The following CD28 variants were observed in gnomAD, a reference collection of about 807,000 sequenced individuals.
CD28 encodes the protein T-cell-specific surface glycoprotein CD28.
Under a neutral mutation model 21.4 loss-of-function variants are expected in CD28, and 8 were observed. The ratio of observed to expected loss-of-function variants is 0.37; its 90% confidence interval spans 0.22 to 0.68. The LOEUF (loss-of-function observed/expected upper bound fraction) is 0.68, where lower values mean the gene tolerates loss of function less well. Ranked by LOEUF, CD28 falls within the 30% of genes least tolerant of loss-of-function variation. The pLI, the probability that CD28 is intolerant of heterozygous loss-of-function variation, is 0.55. For missense variants in CD28, 239 were observed against 272.2 expected (o/e 0.88, Z 0.86); for synonymous variants, 106 against 104.0 (o/e 1.02, Z -0.12).
chr2:203,725,803 T>A (rs1256598846), intron 1 of CD28, among the ~76,000 whole-genome samples: 1 of 152,206 alleles, frequency 6.6e-6, no homozygotes, highest in Admixed American at 6.5e-5. Flanking sequence ...ACTCTTGGGT[T>A]ATATTTTTTC....
rs201138857 is a variant in CD28, at chr2:203,706,655, G to A, written c.-42G>A. ...GTTCCCCTCACACTTCGGGTTCCTC[G>A]GGGAGGAGGGGCTGGAACCCTAGCC... On this transcript the variant is annotated 5_prime_UTR_variant, in exon 1 of 4. Transcript: ENST00000324106. The A allele has an allele frequency of 1.2e-4, 191 of 1,613,870 alleles. No homozygotes were observed. Among genetic ancestry groups the A allele is most frequent in the Non-Finnish European group, 6.0e-5 (71 of 1,179,966 alleles).
At chr2:203,717,428 G>T (rs1343728308) in intron 1 of CD28, among the ~76,000 whole-genome samples, 1 of 152,108 alleles carries the variant, frequency 6.6e-6, no homozygotes, top group Non-Finnish European at 1.5e-5. Flanking sequence ...GCTGTCCCCT[G>T]GTCTCTTTCG....
intron 1 of CD28, among the ~76,000 whole-genome samples, chr2:203,725,074 G>A (rs1693705042): frequency 6.6e-6 from 1 of 152,024 alleles, no homozygotes; most frequent in Admixed American, 6.6e-5. Flanking sequence ...TGGATCACCT[G>A]AGGTTGGGAG....
intron 1 of CD28, among the ~76,000 whole-genome samples, chr2:203,725,047 T>A (rs11677109): frequency 0.77 from 117,487 of 151,968 alleles, 45,584 homozygotes; most frequent in East Asian, 0.92. Context: ...TCCCAGCACT[T>A]TGGGAGGCCG....
intron 1 of CD28, among the ~76,000 whole-genome samples, chr2:203,715,374 G>A (rs1343967652): frequency 6.6e-6 from 1 of 152,128 alleles, no homozygotes; most frequent in Non-Finnish European, 1.5e-5. Context: ...CCACTTTCAT[G>A]TAAGTTAAGG....
At chr2:203,730,970 A>G (rs1693875247) in intron 3 of CD28, among the ~76,000 whole-genome samples, 3 of 151,816 alleles carry the variant, frequency 2.0e-5, no homozygotes, top group Non-Finnish European at 4.4e-5. Context: ...ATTCTTTTAG[A>G]CTCTTCTTGG....
rs55817478 is a variant in CD28 at position 203,736,008 on chromosome 2, A to AAAC, written c.*1126_*1128dup. The AAAC allele has an allele frequency of 0.02, 2,979 of 151,786 alleles. 50 individuals are homozygous for AAAC. Among genetic ancestry groups the AAAC allele is most frequent in the African/African-American group, 0.047 (1,930 of 41,258 alleles). The allele number at this position is 151,786 out of a possible 1,614,324, so 9.4% of individuals were successfully genotyped here. On this transcript the variant is annotated 3_prime_UTR_variant, in exon 4 of 4. Transcript: ENST00000324106. The stretch of plus-strand genomic sequence containing the variant: ...GGGCGACAGAGTGAGACTCCATCTC[A>AAAC]AACAACAACAACAACAACAACAACA...
At chr2:203,716,204 A>G (rs904183786) in intron 1 of CD28, among the ~76,000 whole-genome samples, 4 of 152,040 alleles carry the variant, frequency 2.6e-5, no homozygotes, top group African/African-American at 9.7e-5. Context: ...AAACTCTCAC[A>G]CTAAGGTCAT....
At position 203,735,512 on chromosome 2, in the gene CD28, A is replaced by C. The variant is rs929855421; in HGVS notation, c.*600A>C. Reference sequence around the variant, plus strand: ...TAGACATTGTCTTTTATGAATTCTGATCATATTTAGTCATTTTGACCAAAT... The same window carrying C: ...TAGACATTGTCTTTTATGAATTCTGCTCATATTTAGTCATTTTGACCAAAT... On this transcript the variant is annotated 3_prime_UTR_variant, in exon 4 of 4. Coordinates refer to ENST00000324106, the MANE Select transcript of CD28 (RefSeq NM_006139.4). 1.3e-5 allele frequency: 2 copies of C among 152,732 alleles called. No homozygotes were observed. The highest frequency in any genetic ancestry group is 4.8e-5 in the African/African-American group (2 of 41,400). 9.5% of individuals were successfully genotyped at this position (152,732 alleles called of 1,614,324 possible). A position where few individuals can be genotyped will look rare whatever the true frequency, so the allele number is the denominator to read the frequency against.
At chr2:203,707,184 T>C (rs1693180409) in intron 1 of CD28, among the ~76,000 whole-genome samples, 1 of 149,422 alleles carries the variant, frequency 6.7e-6, no homozygotes, top group South Asian at 2.1e-4. Context: ...CTTTCTTTCT[T>C]TTTTTTTTTA....
intron 1 of CD28, among the ~76,000 whole-genome samples, chr2:203,718,805 T>C (rs1166510368): frequency 2.0e-5 from 3 of 152,234 alleles, no homozygotes; most frequent in African/African-American, 4.8e-5. Flanking sequence ...TTAAGGATTT[T>C]CCTAGTGAAG....
intron 1 of CD28, among the ~76,000 whole-genome samples, chr2:203,717,009 G>A (rs1693478107): frequency 6.6e-6 from 1 of 151,902 alleles, no homozygotes; most frequent in Admixed American, 6.6e-5. Context: ...CCCACACCCA[G>A]CTAATTTTTG....
At chr2:203,728,784 A>G (rs547686923) in intron 2 of CD28, among the ~76,000 whole-genome samples, 309 of 152,320 alleles carry the variant, frequency 2.0e-3, no homozygotes, top group African/African-American at 7.1e-3. Context: ...ATAGTATTTT[A>G]TATATATGTA....
intron 1 of CD28, 107 bp from the exon 2 acceptor site, chr2:203,726,526 A>G: frequency 1.3e-6 from 1 of 764,592 alleles, no homozygotes; most frequent in Non-Finnish European, 2.2e-6. Context: ...CCAAGAGAAA[A>G]CCTTTGCTGG....
At chr2:203,724,608 T>C (rs1236562959) in intron 1 of CD28, among the ~76,000 whole-genome samples, 1 of 152,156 alleles carries the variant, frequency 6.6e-6, no homozygotes, top group Non-Finnish European at 1.5e-5. Flanking sequence ...GGTCTTGAAC[T>C]CCTGGGCTCA....
rs1321410973 is a variant in CD28, at chr2:203,737,721, C to T, written c.*2809C>T. On this transcript the variant is annotated 3_prime_UTR_variant, in exon 4 of 4. Coordinates refer to ENST00000324106, the MANE Select transcript of CD28 (RefSeq NM_006139.4). ...TAAGAGTCTTATAATTAATGGTACT[C>T]CTATAATTTTTGATTGTGAGCTCAC... 8.5e-5 allele frequency: 13 copies of T among 152,582 alleles called. No homozygotes were observed. In the East Asian group the frequency reaches 2.5e-3, roughly 29 times the overall value. The allele number at this position is 152,582 out of a possible 1,614,324, so 9.5% of individuals were successfully genotyped here.
At chr2:203,730,577 T>C (rs1047860219) in intron 3 of CD28, among the ~76,000 whole-genome samples, 1 of 152,212 alleles carries the variant, frequency 6.6e-6, no homozygotes, top group African/African-American at 2.4e-5. Flanking sequence ...TGAATTTTTT[T>C]CTAGAAGTTA....
intron 3 of CD28, 23 bp downstream of exon 3, chr2:203,729,795 T>G: frequency 3.7e-6 from 6 of 1,607,330 alleles, no homozygotes; most frequent in South Asian, 1.1e-5. Flanking sequence ...GCACTGCTTT[T>G]ATGTAACTTT....
At chr2:203,729,871 A>G (rs905887796) in intron 3 of CD28, 99 bp downstream of exon 3, 3 of 1,212,060 alleles carry the variant, frequency 2.5e-6, no homozygotes, top group Middle Eastern at 2.0e-4. Context: ...TCTGTTTAAT[A>G]TAGGATGATG....
Sources: allele counts gnomAD v4.1 joint callset (sites outside exome capture counted in the v4.1 genomes callset), GRCh38; gene constraint gnomAD v4.1.1; transcripts MANE v1.5; gene names NCBI Gene and HGNC (gene_info 2026-07-23, HGNC 2026-07-21).